CYP27A1: variants seen among roughly 807,000 people sequenced by gnomAD.
CYP27A1 encodes cytochrome P450 family 27 subfamily A member 1.
In CYP27A1, 46 loss-of-function variants were observed where a neutral mutation model predicts 58.2. The ratio of observed to expected loss-of-function variants is 0.79; its 90% CI spans 0.62 to 1.01. The LOEUF is 1.01. CYP27A1 is among the 50% of genes least tolerant of loss of function. The pLI is 0.00. For synonymous variants in CYP27A1, 274 were observed against 285.1 expected, an observed-to-expected ratio of 0.96 and a Z score of 0.39; for missense variants, 704 against 687.0, an observed-to-expected ratio of 1.02 and a Z score of -0.28.
chr2:218,782,544 T>C lies in CYP27A1; in HGVS notation c.255+107T>C. ...AAAGTGAAGGCTGCAGGAACTCAGC[T>C]GGGGACCCACTGAGGCTATGGTCAT... On this transcript the variant is annotated intron_variant, in intron 1 of 8. Transcript: ENST00000258415. This position sits in a 1 kb window ranked among gnomAD's most constrained non-coding sequence, Gnocchi z 4.1. The C allele has an allele frequency of 2.1e-6, 3 of 1,420,910 alleles. No individual in the cohort carries two copies. The highest frequency in any genetic ancestry group is 2.3e-5 in the South Asian group (2 of 86,326). The allele number at this position is 1,420,910 out of a possible 1,614,324, so 88.0% of individuals were successfully genotyped here. A position where few individuals can be genotyped will look rare whatever the true frequency, so the allele number is the denominator to read the frequency against.
At position 218,798,071 on chromosome 2, in the gene CYP27A1, C is replaced by A. The variant is rs570953817; in HGVS notation, c.256-11506C>A. On this transcript the variant is annotated intron_variant, in intron 1 of 8. Transcript: ENST00000258415. Reference sequence around the variant, plus strand: ...AGGCTGGAGTGCAGTGGTGTGATCTCGGCTCACTGTAACCTCTGCCTCCTG... The same window carrying A: ...AGGCTGGAGTGCAGTGGTGTGATCTAGGCTCACTGTAACCTCTGCCTCCTG... 6.6e-5 allele frequency among the ~76,000 whole-genome samples: 10 copies of A among 151,760 alleles called. No individual in the cohort carries two copies. In the East Asian group the frequency reaches 1.6e-3, roughly 24 times the overall value.
In CYP27A1 at chr2:218,782,249, C is replaced by A. The variant is rs1255948354; in HGVS notation, c.67C>A (p.His23Asn). ...AGGGGCCGGCCGTGGCCTCTGCCCC[C>A]ACGGGGCCAGAGCCAAGGCCGCGAT... ...LRGAGRGLCP[H>N]GARAKAAIPA... The change falls in exon 1 of 9, where the codon CAC becomes AAC. Residue 23 changes from histidine (H) to asparagine (N), a missense_variant. Coordinates refer to ENST00000258415, the MANE Select transcript of CYP27A1 (RefSeq NM_000784.4). This position sits in a 1 kb window ranked among gnomAD's most constrained non-coding sequence, Gnocchi z 4.1. 1.9e-6 allele frequency: 3 copies of A among 1,553,060 alleles called. No homozygotes were observed. Among genetic ancestry groups the A allele is most frequent in the Non-Finnish European group, 2.6e-6 (3 of 1,150,316 alleles).
At chr2:218,785,183 C>T (rs1455736977) in intron 1 of CYP27A1, among the ~76,000 whole-genome samples, 1 of 152,096 alleles carries the variant, frequency 6.6e-6, no homozygotes, top group Non-Finnish European at 1.5e-5. Context: ...AGTGTGCAAC[C>T]TAGATCCCTC....
At chr2:218,800,309 T>A (rs571287617) in intron 1 of CYP27A1, among the ~76,000 whole-genome samples, 55 of 152,176 alleles carry the variant, frequency 3.6e-4, no homozygotes, top group African/African-American at 1.3e-3. Flanking sequence ...AAGCCTTTGT[T>A]TATATGGAAG....
intron 1 of CYP27A1, among the ~76,000 whole-genome samples, chr2:218,799,584 C>T (rs1228816082): frequency 8.5e-5 from 13 of 152,174 alleles, no homozygotes; most frequent in Non-Finnish European, 1.5e-5. Flanking sequence ...TTAACAAAAA[C>T]TTGCTTGCCT....
At chr2:218,794,183 C>T (rs1194363231) in intron 1 of CYP27A1, among the ~76,000 whole-genome samples, 6 of 152,194 alleles carry the variant, frequency 3.9e-5, no homozygotes, top group Non-Finnish European at 8.8e-5. Flanking sequence ...AGGCTCCACC[C>T]CAGTGCGCGG....
At chr2:218,790,505 C>A (rs140872526) in intron 1 of CYP27A1, among the ~76,000 whole-genome samples, 176 of 152,288 alleles carry the variant, frequency 1.2e-3, no homozygotes, top group African/African-American at 3.6e-3. Flanking sequence ...TCCCCTACAA[C>A]TGAATCTCTA....
chr2:218,804,425 T>A (rs6436092), intron 1 of CYP27A1, among the ~76,000 whole-genome samples: 77,713 of 151,608 alleles, frequency 0.51, 20,577 homozygotes, highest in African/African-American at 0.61. Context: ...CACTAGTAAC[T>A]TACTGTTTTG....
At chr2:218,793,940 T>C (rs901757382) in intron 1 of CYP27A1, among the ~76,000 whole-genome samples, 1 of 152,188 alleles carries the variant, frequency 6.6e-6, no homozygotes, top group Admixed American at 6.5e-5. Flanking sequence ...TGTAGGACTT[T>C]CTTCTTAGTT....
chr2:218,809,554 T>G, intron 1 of CYP27A1, 23 bp from the exon 2 acceptor site: 1 of 1,607,774 alleles, frequency 6.2e-7, no homozygotes, highest in African/African-American at 1.3e-5. Flanking sequence ...GCCCAGTTAT[T>G]CAGTTTTGAT....
intron 1 of CYP27A1, among the ~76,000 whole-genome samples, chr2:218,799,623 G>A (rs181348291): frequency 5.3e-5 from 8 of 152,122 alleles, no homozygotes; most frequent in South Asian, 2.1e-4. Context: ...CCTTTCTCTC[G>A]GGTAACCTCA....
chr2:218,809,585 C>CT lies in CYP27A1; in HGVS notation c.264_265insT (p.Lys89Ter). On this transcript the variant is annotated frameshift_variant, in exon 2 of 9. Coordinates refer to ENST00000258415, the MANE Select transcript of CYP27A1 (RefSeq NM_000784.4). LOFTEE classifies it high-confidence loss of function. ...TTGATTGAACTCCACAGGTGCTTTA[C>CT]AAGGCCAAGTACGGTCCAATGTGGA... is the stretch of plus-strand genomic sequence containing the variant. 2 of 1,605,908 alleles carry CT rather than the reference C, an allele frequency of 1.2e-6. No individual in the cohort carries two copies. The highest frequency in any genetic ancestry group is 1.7e-6 in the Non-Finnish European group (2 of 1,174,840).
chr2:218,783,891 T>C (rs1943418193), intron 1 of CYP27A1, among the ~76,000 whole-genome samples: 1 of 152,046 alleles, frequency 6.6e-6, no homozygotes, highest in African/African-American at 2.4e-5. Context: ...GCCTTGAAGA[T>C]CAAGATAAGG....
At chr2:218,797,593 A>G (rs1295959371) in intron 1 of CYP27A1, among the ~76,000 whole-genome samples, 1 of 152,242 alleles carries the variant, frequency 6.6e-6, no homozygotes, top group Non-Finnish European at 1.5e-5. Context: ...AAAGCCATGC[A>G]TCAGGAAAGA....
intron 1 of CYP27A1, among the ~76,000 whole-genome samples, chr2:218,807,059 A>G (rs1943659546): frequency 6.9e-6 from 1 of 144,540 alleles, no homozygotes; most frequent in Non-Finnish European, 1.5e-5. Flanking sequence ...TCCCGGGTTC[A>G]AGCGATTCTC....
chr2:218,783,398 C>T (rs1051738543), intron 1 of CYP27A1, among the ~76,000 whole-genome samples: 3 of 151,812 alleles, frequency 2.0e-5, no homozygotes, highest in African/African-American at 4.8e-5. Context: ...CAGGGATGAA[C>T]AGCTCACTGC....
intron 1 of CYP27A1, among the ~76,000 whole-genome samples, chr2:218,802,771 G>C (rs1051510740): frequency 2.0e-5 from 3 of 151,728 alleles, no homozygotes; most frequent in Non-Finnish European, 4.4e-5. Context: ...AGTGGCTTTG[G>C]TTTGCATTTC....
chr2:218,789,975 A>T (rs13014941), intron 1 of CYP27A1, among the ~76,000 whole-genome samples: 9,418 of 152,226 alleles, frequency 0.062, 342 homozygotes, highest in Middle Eastern at 0.095. Context: ...TGTTTCCTTA[A>T]AGTCTTAGTT....
At position 218,800,652 on chromosome 2, in the gene CYP27A1, G is replaced by T. The variant is rs565851829; in HGVS notation, c.256-8925G>T. On this transcript the variant is annotated intron_variant, in intron 1 of 8. Coordinates refer to ENST00000258415, the MANE Select transcript of CYP27A1 (RefSeq NM_000784.4). ...AGAAAATATAAAGAAACAAAAAGAAGAAAATCTAAATCTTCCATAATCCCA... is the reference window on the plus strand; with the variant it reads ...AGAAAATATAAAGAAACAAAAAGAATAAAATCTAAATCTTCCATAATCCCA... 3.9e-5 allele frequency among the ~76,000 whole-genome samples: 6 copies of T among 152,188 alleles called. No individual in the cohort carries two copies. The South Asian group carries it at 8.3e-4, about 21-fold the overall frequency.
Sources: gnomAD v4.1 joint callset for allele counts (sites outside exome capture counted in the v4.1 genomes callset) on GRCh38, gnomAD v4.1.1 for gene constraint, Gnocchi (gnomAD v3.1) non-coding constraint, MANE v1.5 for transcripts, NCBI Gene and HGNC (gene_info 2026-07-23, HGNC 2026-07-21) for gene names.